GALNT3: variants seen among roughly 807,000 people sequenced by gnomAD.
GALNT3 encodes the protein polypeptide N-acetylgalactosaminyltransferase 3, also known as GalNAc transferase 3.
GALNT3 carries 51 observed loss-of-function variants against 69.8 expected under a neutral mutation model. The observed-to-expected ratio is 0.73, with a 90% CI of 0.58 to 0.92. The LOEUF (loss-of-function observed/expected upper bound fraction) is 0.92, where lower values mean the gene tolerates loss of function less well. Ranked by LOEUF, GALNT3 falls within the 40% of genes least tolerant of loss-of-function variation. The pLI is 0.00. For missense variants in GALNT3, 711 were observed against 760.0 expected, an observed-to-expected ratio of 0.94 and a Z score of 0.76; for synonymous variants, 265 against 248.5, an observed-to-expected ratio of 1.07 and a Z score of -0.63.
chr2:165,790,227 A>G (rs368648315), intron 1 of GALNT3, among the ~76,000 whole-genome samples: 18 of 152,330 alleles, frequency 1.2e-4, no homozygotes, highest in East Asian at 5.8e-4. Flanking sequence ...AGTGCCAAAA[A>G]TAAGAGCCCA....
In GALNT3 at chr2:165,755,073, C is replaced by T. The variant is rs1688423236; in HGVS notation, c.1393-10G>A. 6.2e-7 allele frequency: 1 copy of T among 1,608,410 alleles called. No homozygotes were observed. Among genetic ancestry groups the T allele is most frequent in the Non-Finnish European group, 8.5e-7 (1 of 1,175,214 alleles). ...GATCACCAAATGCTTTCTGTAGAAA[C>T]ATGAGAAATGAAGGGAATGCTTAAT... On this transcript the variant is annotated splice_polypyrimidine_tract_variant and intron_variant, in intron 7 of 10. Transcript: ENST00000392701.
chr2:165,760,484 G>A lies in GALNT3; in HGVS notation c.839-914C>T, dbSNP rs561320328. Among the ~76,000 whole-genome samples, 8 of 152,288 alleles carry A rather than the reference G, an allele frequency of 5.3e-5. No homozygotes were observed. The South Asian group carries it at 1.7e-3, about 32-fold the overall frequency. On this transcript the variant is annotated intron_variant, in intron 4 of 10. Transcript: ENST00000392701. The stretch of plus-strand genomic sequence containing the variant: ...AAGCAGTATTTGGCAGTCATGGTCC[G>A]GGAGGACCGTCAGACATATCCACCC...
rs1036643010 is a variant in GALNT3, at chr2:165,783,168, A to G, written c.-109+10847T>C. Among the ~76,000 whole-genome samples the G allele has an allele frequency of 3.9e-5, 6 of 152,180 alleles. 1 individual carries two copies. The highest frequency in any genetic ancestry group is 1.4e-4 in the African/African-American group (6 of 41,454). On this transcript the variant is annotated intron_variant, in intron 1 of 10. Transcript: ENST00000392701. ...ATCAGAGAGCCAATTTCAATGGTCT[A>G]CAAAGGAGAGCAGGCACAGATTTTT...
intron 3 of GALNT3, among the ~76,000 whole-genome samples, chr2:165,763,443 C>G (rs1321591152): frequency 6.6e-6 from 1 of 152,152 alleles, no homozygotes; most frequent in Non-Finnish European, 1.5e-5. Flanking sequence ...TCTATCTAAA[C>G]ACTGTTGTCT....
At position 165,770,619 on chromosome 2, in the gene GALNT3, A is replaced by G. The variant is rs751088806; in HGVS notation, c.82T>C (p.Phe28Leu). Residue 28 changes from phenylalanine (F) to leucine (L), a missense_variant, in exon 2 of 11, where the codon TTT becomes CTT. Physicochemically the swap from Phe to Leu is conservative, Grantham distance 22. Coordinates refer to ENST00000392701, the MANE Select transcript of GALNT3 (RefSeq NM_004482.4). Reference sequence around the variant, plus strand: ...AAAACCAAAACTATTATAAAGAAAAAAATTACTGCACCAAGCTTCCAGAAC... The same window carrying G: ...AAAACCAAAACTATTATAAAGAAAAGAATTACTGCACCAAGCTTCCAGAAC... ...KKFWKLGAVI[F>L]FFIIVLVLMQ... is the part of the protein sequence containing the mutation. 6.2e-7 allele frequency: 1 copy of G among 1,601,896 alleles called. No individual in the cohort carries two copies. Among genetic ancestry groups the G allele is most frequent in the South Asian group, 1.1e-5 (1 of 88,110 alleles).
intron 1 of GALNT3, among the ~76,000 whole-genome samples, chr2:165,787,428 C>G (rs1683247854): frequency 6.6e-6 from 1 of 152,134 alleles, no homozygotes; most frequent in African/African-American, 2.4e-5. Context: ...TCTTAAGGGC[C>G]ATGAAGGGCT....
Position 165,759,454 on chromosome 2 carries a change from G to A in GALNT3, c.955C>T (p.Pro319Ser), listed in dbSNP as rs1372638337. The A allele has an allele frequency of 1.9e-6, 3 of 1,613,876 alleles. No individual in the cohort carries two copies. Among genetic ancestry groups the A allele is most frequent in the Non-Finnish European group, 2.5e-6 (3 of 1,179,984 alleles). ...TTATGGTTACTTCCATAAGGAGAAGGTTTGTTGAATTCAAACGTGTTCAGA... is the reference window on the plus strand; with the variant it reads ...TTATGGTTACTTCCATAAGGAGAAGATTTGTTGAATTCAAACGTGTTCAGA... Reference protein sequence around the residue: ...IDLNTFEFNKPSPYGSNHNRG... With the variant: ...IDLNTFEFNKSSPYGSNHNRG... Residue 319 changes from proline to serine, a missense_variant, in exon 5 of 11, where the codon CCT becomes TCT. Transcript: ENST00000392701.
chr2:165,766,925 G>T (rs561624223), intron 2 of GALNT3, among the ~76,000 whole-genome samples: 13 of 152,220 alleles, frequency 8.5e-5, no homozygotes, highest in African/African-American at 3.1e-4. Flanking sequence ...GTCAACAACA[G>T]ATTAGAAAAA....
rs777711573 is a variant in GALNT3, at chr2:165,748,802, C to T, written c.1881G>A (p.Trp627Ter). 6.2e-7 allele frequency: 1 copy of T among 1,611,412 alleles called. No homozygotes were observed. The change falls in exon 11 of 11, where the codon TGG (tryptophan) becomes TGA (stop). Residue 627 changes from tryptophan (W) to a stop codon, truncating the protein, a stop_gained. Coordinates refer to ENST00000392701, the MANE Select transcript of GALNT3 (RefSeq NM_004482.4). LOFTEE classifies it high-confidence loss of function. ...SCNPSDPLQKWILSQND is the reference protein window; with the variant it reads ...SCNPSDPLQK ...ACACTTAATCATTTTGGCTAAGTAT[C>T]CATTTTTGGAGTGGATCTGATGGGT...
At chr2:165,779,756 A>G (rs1405344359) in intron 1 of GALNT3, among the ~76,000 whole-genome samples, 1 of 152,226 alleles carries the variant, frequency 6.6e-6, no homozygotes, top group Non-Finnish European at 1.5e-5. Context: ...ATTGAAAAAA[A>G]ATTTTTAAAG....
intron 1 of GALNT3, among the ~76,000 whole-genome samples, chr2:165,784,494 G>A (rs1370445580): frequency 6.6e-6 from 1 of 152,146 alleles, no homozygotes; most frequent in African/African-American, 2.4e-5. Flanking sequence ...GAGTCAATGT[G>A]GAGGCTACAG....
chr2:165,754,883 T>C (rs1364631392), intron 8 of GALNT3, 49 bp downstream of exon 8: 2 of 1,594,300 alleles, frequency 1.3e-6, no homozygotes, highest in African/African-American at 2.7e-5. Context: ...CACATAAAGG[T>C]TGGTGGCAAG....
At chr2:165,754,556 G>C in intron 9 of GALNT3, 71 bp downstream of exon 9, 1 of 1,144,470 alleles carries the variant, frequency 8.7e-7, no homozygotes, top group Non-Finnish European at 1.3e-6. Context: ...TGGGACTTCT[G>C]AAAAATAGGC....
At chr2:165,763,741 A>T (rs574815976) in intron 3 of GALNT3, among the ~76,000 whole-genome samples, 1 of 152,158 alleles carries the variant, frequency 6.6e-6, no homozygotes, top group Non-Finnish European at 1.5e-5. Flanking sequence ...CAACATATGA[A>T]CTTCCCGTAA....
chr2:165,788,466 G>GGTGTGTGT lies in GALNT3; in HGVS notation c.-109+5541_-109+5548dup, dbSNP rs148293638. Among the ~76,000 whole-genome samples the GGTGTGTGT allele has an allele frequency of 4.2e-3, 585 of 139,594 alleles. 2 individuals carry two copies. Among genetic ancestry groups the GGTGTGTGT allele is most frequent in the South Asian group, 9.3e-3 (39 of 4,214 alleles). The allele number at this position is 139,594 out of a possible 152,430, so 91.6% of individuals were successfully genotyped here. A position where few individuals can be genotyped will look rare whatever the true frequency, so the allele number is the denominator to read the frequency against. ...GCATGTTTTGCAAATAATCCAAAAG[G>GGTGTGTGT]GTGTGTGTGTGTGTGTGTGTGTGTG... On this transcript the variant is annotated intron_variant, in intron 1 of 10. Transcript: ENST00000392701.
chr2:165,749,751 C>T lies in GALNT3; in HGVS notation c.1770G>A (p.Glu590=). The T allele has an allele frequency of 1.2e-6, 2 of 1,613,336 alleles. No individual in the cohort carries two copies. Among genetic ancestry groups the T allele is most frequent in the Non-Finnish European group, 1.7e-6 (2 of 1,179,348 alleles). Residue 590 remains glutamate, a synonymous_variant, in exon 10 of 11, where the codon GAG becomes GAA. Transcript: ENST00000392701. ...AATTGCACTGAGGTACCTTCTGGAT[C>T]TCCCATATCTGCTCTCCAGTGACAA... ...KTVVTGEQIW[E]IQKDQLLYNP...
At chr2:165,770,098 T>C (rs2105419369) in intron 2 of GALNT3, 88 bp downstream of exon 2, 5 of 1,500,566 alleles carry the variant, frequency 3.3e-6, no homozygotes, top group Middle Eastern at 1.7e-4. Flanking sequence ...TTAGAGTAGC[T>C]AAAAAACAGA....
At chr2:165,767,596 A>G (rs1284047795) in intron 2 of GALNT3, among the ~76,000 whole-genome samples, 2 of 152,220 alleles carry the variant, frequency 1.3e-5, no homozygotes, top group South Asian at 2.1e-4. Flanking sequence ...AACCCCATTC[A>G]TTTTGAAACA....
intron 2 of GALNT3, among the ~76,000 whole-genome samples, chr2:165,766,660 A>C (rs1688647921): frequency 1.7e-5 from 1 of 59,822 alleles, no homozygotes; most frequent in African/African-American, 3.8e-5. Flanking sequence ...AAAACCATAA[A>C]TTGGAGATAA....
Sources: allele counts gnomAD v4.1 joint callset (sites outside exome capture counted in the v4.1 genomes callset), GRCh38; gene constraint gnomAD v4.1.1; transcripts MANE v1.5; gene names NCBI Gene and HGNC (gene_info 2026-07-23, HGNC 2026-07-21).